Variants in ANKRD31 observed in about 807,000 individuals in gnomAD.
ANKRD31 encodes the protein ankyrin repeat domain 31.
Under a neutral mutation model 186.0 loss-of-function variants are expected in ANKRD31, and 147 were observed. The observed-to-expected ratio is 0.79, with a 90% confidence interval of 0.69 to 0.91. ANKRD31 has a LOEUF of 0.91. Among genes scored for constraint, ANKRD31 ranks in the 40% least tolerant of loss-of-function variants. ANKRD31 has a pLI of 0.00. For synonymous variants in ANKRD31, 673 were observed against 736.4 expected, an observed-to-expected ratio of 0.91 and a Z score of 1.39; for missense variants, 1,986 against 2,148.8, an observed-to-expected ratio of 0.92 and a Z score of 1.50.
chr5:75,199,508 C>A, intron 6 of ANKRD31, 123 bp downstream of exon 6: 2 of 554,112 alleles, frequency 3.6e-6, no homozygotes, highest in East Asian at 3.7e-5. Context: ...AGATTTTTAT[C>A]TACCGAAATG....
intron 7 of ANKRD31, among the ~76,000 whole-genome samples, chr5:75,194,060 G>A (rs1430299424): frequency 3.9e-5 from 6 of 152,126 alleles, no homozygotes; most frequent in African/African-American, 1.4e-4. Context: ...AAGGTTAACA[G>A]TGTATCAGGA....
At chr5:75,196,229 T>C in intron 6 of ANKRD31, 29 bp from the exon 7 acceptor site, 3 of 1,395,470 alleles carry the variant, frequency 2.1e-6, no homozygotes, top group Non-Finnish European at 2.8e-6. Flanking sequence ...AATTACATCA[T>C]TACAGCATAT....
intron 18 of ANKRD31, among the ~76,000 whole-genome samples, chr5:75,117,615 T>C (rs1457751563): frequency 9.4e-6 from 1 of 105,866 alleles, no homozygotes; most frequent in Non-Finnish European, 1.7e-5. Flanking sequence ...AGTATCTTCT[T>C]CTATGAGTCA....
chr5:75,209,232 T>C (rs943161858), intron 4 of ANKRD31, among the ~76,000 whole-genome samples: 3 of 152,118 alleles, frequency 2.0e-5, no homozygotes, highest in African/African-American at 7.2e-5. Context: ...TTTTAGAAAA[T>C]ACTTATGCAC....
intron 10 of ANKRD31, among the ~76,000 whole-genome samples, chr5:75,177,798 G>A (rs1325734953): frequency 5.3e-5 from 8 of 152,102 alleles, no homozygotes; most frequent in African/African-American, 1.7e-4. Context: ...TGTAAAGACC[G>A]TCGATGCTAG....
chr5:75,196,198 T>C lies in ANKRD31; in HGVS notation c.450A>G (p.Glu150=). Residue 150 remains glutamate, a splice_region_variant and synonymous_variant, in exon 7 of 26, where the codon GAA becomes GAG. Transcript: ENST00000506364. ...CAGGAGAATCTCTGCCTTCACTTAG[T>C]TCCTGTGTATTACAAATAGAAATTA... ...SPEVLPHIEK[E]LSEGRDSPEV... 1.4e-6 allele frequency: 2 copies of C among 1,459,698 alleles called. No individual in the cohort carries two copies. The highest frequency in any genetic ancestry group is 1.8e-6 in the Non-Finnish European group (2 of 1,114,326). The allele number at this position is 1,459,698 out of a possible 1,614,324, so 90.4% of individuals were successfully genotyped here. A position where few individuals can be genotyped will look rare whatever the true frequency, so the allele number is the denominator to read the frequency against.
At chr5:75,175,201 G>A (rs4703659) in intron 10 of ANKRD31, among the ~76,000 whole-genome samples, 76,804 of 152,024 alleles carry the variant, frequency 0.51, 22,350 homozygotes, top group African/African-American at 0.81. Context: ...AACACAGGGC[G>A]GGGAACATCA....
chr5:75,133,872 C>G (rs695380), intron 17 of ANKRD31, among the ~76,000 whole-genome samples: 1 of 151,996 alleles, frequency 6.6e-6, no homozygotes, highest in African/African-American at 2.4e-5. Flanking sequence ...CACTCAAAAC[C>G]GCTCAAATAC....
chr5:75,166,240 C>T (rs757642297), intron 11 of ANKRD31, among the ~76,000 whole-genome samples: 11 of 152,104 alleles, frequency 7.2e-5, no homozygotes, highest in East Asian at 1.9e-4. Context: ...GAGGCCTAGG[C>T]GGGCGGATCA....
At chr5:75,178,223 G>T (rs1284804473) in intron 10 of ANKRD31, among the ~76,000 whole-genome samples, 1 of 152,186 alleles carries the variant, frequency 6.6e-6, no homozygotes, top group East Asian at 1.9e-4. Context: ...GGAGCACCCA[G>T]ATTCATAAAG....
chr5:75,232,537 A>T (rs1295543283), intron 1 of ANKRD31, among the ~76,000 whole-genome samples: 1 of 150,922 alleles, frequency 6.6e-6, no homozygotes, highest in Non-Finnish European at 1.5e-5. Flanking sequence ...TACAGCTGTG[A>T]GCGACTGCAC....
At chr5:75,215,924 T>A (rs1485307798) in intron 3 of ANKRD31, among the ~76,000 whole-genome samples, 1 of 152,234 alleles carries the variant, frequency 6.6e-6, no homozygotes, top group East Asian at 1.9e-4. Flanking sequence ...TTTATTTTCA[T>A]AGGATAAAAC....
intron 23 of ANKRD31, among the ~76,000 whole-genome samples, chr5:75,086,687 A>T (rs1178609729): frequency 6.6e-6 from 1 of 152,200 alleles, no homozygotes; most frequent in South Asian, 2.1e-4. Flanking sequence ...TTCGGTGAGG[A>T]TATCTGTAGG....
intron 15 of ANKRD31, among the ~76,000 whole-genome samples, chr5:75,140,023 G>A (rs1477931823): frequency 2.0e-5 from 3 of 151,862 alleles, no homozygotes; most frequent in Admixed American, 6.6e-5. Flanking sequence ...GCTGATGTCC[G>A]TAATCCCAGC....
chr5:75,089,638 G>T (rs1745779139), intron 23 of ANKRD31, among the ~76,000 whole-genome samples: 1 of 152,048 alleles, frequency 6.6e-6, no homozygotes, highest in African/African-American at 2.4e-5. Flanking sequence ...TCAGCTTGGG[G>T]TATTTACTAG....
At chr5:75,208,713 C>G (rs1350285469) in intron 4 of ANKRD31, among the ~76,000 whole-genome samples, 1 of 152,194 alleles carries the variant, frequency 6.6e-6, no homozygotes, top group African/African-American at 2.4e-5. Flanking sequence ...AACCTTTGTT[C>G]AGAGTGAAGT....
At chr5:75,118,702 T>G (rs1256346010) in intron 17 of ANKRD31, among the ~76,000 whole-genome samples, 1 of 152,214 alleles carries the variant, frequency 6.6e-6, no homozygotes, top group Non-Finnish European at 1.5e-5. Context: ...AAGAAATCAA[T>G]TTTTTATTTA....
chr5:75,131,284 CGAG>C (rs1372027602), intron 17 of ANKRD31, among the ~76,000 whole-genome samples: 1 of 152,174 alleles, frequency 6.6e-6, no homozygotes, highest in Non-Finnish European at 1.5e-5. Flanking sequence ...ATGCCGAGGC[CGAG>C]GAGGCACCGA....
intron 10 of ANKRD31, among the ~76,000 whole-genome samples, chr5:75,172,590 T>A (rs529652591): frequency 6.6e-6 from 1 of 152,168 alleles, no homozygotes; most frequent in Non-Finnish European, 1.5e-5. Context: ...CAAACTGCCA[T>A]CAGAGAATAC....
Sources: gnomAD v4.1 joint callset for allele counts (sites outside exome capture counted in the v4.1 genomes callset) on GRCh38, gnomAD v4.1.1 for gene constraint, MANE v1.5 for transcripts, NCBI Gene and HGNC (gene_info 2026-07-23, HGNC 2026-07-21) for gene names.